The following FAM83G variants were observed in gnomAD, a reference collection of about 807,000 sequenced individuals.
FAM83G encodes the protein protein FAM83G.
A neutral mutation model predicts 61.5 loss-of-function variants in FAM83G; 38 were observed. The ratio of observed to expected loss-of-function variants is 0.62; its 90% CI spans 0.48 to 0.81. The LOEUF is 0.81. Ranked by LOEUF, FAM83G falls within the 30% of genes least tolerant of loss-of-function variation. The pLI is 0.00. For missense variants in FAM83G, 989 were observed against 1,133.6 expected (o/e 0.87, Z 1.83); for synonymous variants, 470 against 476.1 (o/e 0.99, Z 0.17).
upstream of FAM83G, among the ~76,000 whole-genome samples, chr17:19,005,027 G>A (rs1239365377): frequency 1.3e-5 from 2 of 152,210 alleles, no homozygotes; most frequent in Non-Finnish European, 2.9e-5. Context: ...AACAGCCTTG[G>A]CACCCCCCTG....
intron 2 of FAM83G, among the ~76,000 whole-genome samples, chr17:18,993,695 G>A (rs1251892471): frequency 2.0e-5 from 3 of 152,154 alleles, no homozygotes; most frequent in Non-Finnish European, 4.4e-5. Context: ...GAGAAGTGCC[G>A]GGGGTGGACA....
chr17:18,978,942 T>C (rs2043060854), intron 4 of FAM83G, 92 bp from the exon 5 acceptor site: 6 of 1,413,422 alleles, frequency 4.2e-6, no homozygotes, highest in Non-Finnish European at 5.8e-6. Flanking sequence ...CCTCAGACTG[T>C]GGCCACAGGG....
At position 18,997,433 on chromosome 17, in the gene FAM83G, C is replaced by T. The variant is rs12450425; in HGVS notation, c.522+6087G>A. The stretch of plus-strand genomic sequence containing the variant: ...TCCTCAGAGCTTCCAGGCTTGCAGG[C>T]GCAGGATCCAGCCAACCAGACCATC... On this transcript the variant is annotated intron_variant, in intron 2 of 5. Coordinates refer to ENST00000388995, the MANE Select transcript of FAM83G (RefSeq NM_001039999.3). Among the ~76,000 whole-genome samples the T allele has an allele frequency of 0.01, 1,580 of 152,350 alleles. 97 individuals carry two copies. The East Asian group carries it at 0.18, about 17-fold the overall frequency.
rs926557727 is a variant in FAM83G, at chr17:19,000,803, T to C, written c.522+2717A>G. 2.0e-5 allele frequency among the ~76,000 whole-genome samples: 3 copies of C among 151,932 alleles called. No individual in the cohort carries two copies. Among genetic ancestry groups the C allele is most frequent in the Admixed American group, 6.5e-5 (1 of 15,274 alleles). ...AAGCATGGGCACGAGAGGTGATTCA[T>C]GGGGAGAGATAAGGCAGGGAGCGCT... is the stretch of plus-strand genomic sequence containing the variant. On this transcript the variant is annotated intron_variant, in intron 2 of 5. Coordinates refer to ENST00000388995, the MANE Select transcript of FAM83G (RefSeq NM_001039999.3). This position sits in a 1 kb window ranked among gnomAD's most constrained non-coding sequence, Gnocchi z 5.2.
At position 19,003,902 on chromosome 17, in the gene FAM83G, T is replaced by C. The variant is rs767000883; in HGVS notation, c.140A>G (p.Tyr47Cys). ...ALVARGRDAF[Y>C]EVLKRENIRD... ...GATGTTCTCCCGCTTGAGCACCTCG[T>C]AGAAGGCGTCCCGGCCGCGGGCCAC... The change falls in exon 2 of 6, where the codon TAC becomes TGC. Residue 47 changes from tyrosine to cysteine, a missense_variant. By Grantham distance (194) the Tyr-to-Cys change is radical. Transcript: ENST00000388995. The surrounding 1 kb of genome is among the most constrained non-coding windows in gnomAD (Gnocchi z 4.5). The C allele has an allele frequency of 1.2e-6, 2 of 1,612,916 alleles. No homozygotes were observed. Among genetic ancestry groups the C allele is most frequent in the Non-Finnish European group, 8.5e-7 (1 of 1,179,922 alleles).
chr17:18,982,585 AGGGGAGGACGGCC>A (rs1310407689), intron 3 of FAM83G, among the ~76,000 whole-genome samples: 2 of 152,176 alleles, frequency 1.3e-5, no homozygotes, highest in African/African-American at 4.8e-5. Context: ...GAGTCAGGGC[AGGGGAGGACGGCC>A]GGGTGGTGCT....
intron 3 of FAM83G, among the ~76,000 whole-genome samples, chr17:18,982,472 G>A (rs2043163011): frequency 6.6e-6 from 1 of 152,248 alleles, no homozygotes; most frequent in Non-Finnish European, 1.5e-5. Flanking sequence ...GACAGCAGAT[G>A]GGTGGAGGGA....
At chr17:18,985,118 G>A (rs769055445) in intron 3 of FAM83G, among the ~76,000 whole-genome samples, 2 of 152,220 alleles carry the variant, frequency 1.3e-5, no homozygotes, top group Admixed American at 6.5e-5. Context: ...AAAGAAAGCC[G>A]CTCAGCACTC....
rs551360252 is a variant in FAM83G at position 18,981,189 on chromosome 17, G to C, written c.691-1516C>G. Among the ~76,000 whole-genome samples, 8 of 152,328 alleles carry C rather than the reference G, an allele frequency of 5.3e-5. No homozygotes were observed. The South Asian group carries it at 1.7e-3, about 32-fold the overall frequency. On this transcript the variant is annotated intron_variant, in intron 3 of 5. Coordinates refer to ENST00000388995, the MANE Select transcript of FAM83G (RefSeq NM_001039999.3). The stretch of plus-strand genomic sequence containing the variant: ...GCCCAGGATCGCAGAGGAGTAGCCT[G>C]AAGTGTGAAGGGCTGGCCGGGAGGC...
rs752034805 is a variant in FAM83G at position 18,977,805 on chromosome 17, C to T, written c.1861G>A (p.Glu621Lys). ...VASSVSEEYF[E>K]VREHSVPLRR... ...AGAGGGACTGAGTGCTCTCTCACCT[C>T]GAAGTACTCCTCTGACACAGAGGAA... is the stretch of plus-strand genomic sequence containing the variant. Residue 621 changes from glutamate (E) to lysine (K), a missense_variant, in exon 5 of 6, where the codon GAG becomes AAG. Physicochemically the swap from Glu to Lys is moderately conservative, Grantham distance 56. Around this residue, in one of 3 missense-constraint regions of FAM83G, gnomAD observed 574 missense variants for 645.1 expected, o/e 0.89. Transcript: ENST00000388995. 7.5e-6 allele frequency: 12 copies of T among 1,603,612 alleles called. No homozygotes were observed. Among genetic ancestry groups the T allele is most frequent in the East Asian group, 2.2e-5 (1 of 44,724 alleles).
At position 19,004,086 on chromosome 17, in the gene FAM83G, G is replaced by C; in HGVS notation, c.-45C>G. The C allele has an allele frequency of 6.5e-7, 1 of 1,535,044 alleles. No individual in the cohort carries two copies. Among genetic ancestry groups the C allele is most frequent in the Non-Finnish European group, 8.8e-7 (1 of 1,141,666 alleles). On this transcript the variant is annotated 5_prime_UTR_variant, in exon 2 of 6. Coordinates refer to ENST00000388995, the MANE Select transcript of FAM83G (RefSeq NM_001039999.3). This position sits in a 1 kb window ranked among gnomAD's most constrained non-coding sequence, Gnocchi z 5.4. ...CTGCTGCCGGGGGTGGGTGGGCAAG[G>C]TCCAGCTCCTAGCTCCGGCCCAGCT...
chr17:18,969,628 A>G lies in FAM83G; in HGVS notation c.*1731T>C. ...CTGCCCTGGCTGGTAGAGGCTACCC[A>G]CCCTGCTGCCCCGCTGTTACCAGCT... On this transcript the variant is annotated 3_prime_UTR_variant, in exon 6 of 6. Coordinates refer to ENST00000388995, the MANE Select transcript of FAM83G (RefSeq NM_001039999.3). 1.9e-6 allele frequency: 1 copy of G among 521,666 alleles called. No individual in the cohort carries two copies. The highest frequency in any genetic ancestry group is 3.4e-6 in the Non-Finnish European group (1 of 296,462). 32.3% of individuals were successfully genotyped at this position (521,666 alleles called of 1,614,324 possible). A position where few individuals can be genotyped will look rare whatever the true frequency, so the allele number is the denominator to read the frequency against.
At chr17:18,984,081 G>A (rs1031949820) in intron 3 of FAM83G, among the ~76,000 whole-genome samples, 4 of 152,060 alleles carry the variant, frequency 2.6e-5, no homozygotes, top group Middle Eastern at 3.2e-3. Flanking sequence ...GGTGGCTCAC[G>A]CCTGTAATCC....
At position 18,977,579 on chromosome 17, in the gene FAM83G, C is replaced by G; in HGVS notation, c.2082+5G>C. ...GACCCCTGGTGTGCAGGGACCCTGACCCACCTGTGCCTCCTTGTCTGTGGA... is the reference window on the plus strand; with the variant it reads ...GACCCCTGGTGTGCAGGGACCCTGAGCCACCTGTGCCTCCTTGTCTGTGGA... On this transcript the variant is annotated splice_donor_5th_base_variant and intron_variant, in intron 5 of 5. Coordinates refer to ENST00000388995, the MANE Select transcript of FAM83G (RefSeq NM_001039999.3). 2 of 1,606,124 alleles carry G rather than the reference C, an allele frequency of 1.2e-6. No homozygotes were observed. Among genetic ancestry groups the G allele is most frequent in the South Asian group, 2.2e-5 (2 of 90,712 alleles).
At position 18,988,215 on chromosome 17, in the gene FAM83G, C is replaced by T. The variant is rs775071874; in HGVS notation, c.690+32G>A. ...GACAGACTGAATGACCCCTGCCCTC[C>T]AGCCACCCAGGCAAGTGAGGAGCCT... On this transcript the variant is annotated intron_variant, in intron 3 of 5. Transcript: ENST00000388995. The T allele has an allele frequency of 2.1e-5, 33 of 1,598,910 alleles. No homozygotes were observed. In the Admixed American group the frequency reaches 3.0e-4, roughly 15 times the overall value.
chr17:18,971,086 C>T lies in FAM83G; in HGVS notation c.*273G>A. Reference sequence around the variant, plus strand: ...AGGCCATTCCCTCCAGGACCATTGCCAACACCACCTGCCACCTGCCACGTA... The same window carrying T: ...AGGCCATTCCCTCCAGGACCATTGCTAACACCACCTGCCACCTGCCACGTA... On this transcript the variant is annotated 3_prime_UTR_variant, in exon 6 of 6. Coordinates refer to ENST00000388995, the MANE Select transcript of FAM83G (RefSeq NM_001039999.3). The surrounding 1 kb of genome is among the most constrained non-coding windows in gnomAD (Gnocchi z 5.5). 6.2e-7 allele frequency: 1 copy of T among 1,614,118 alleles called. No individual in the cohort carries two copies.
At chr17:18,976,796 A>T (rs201925576) in intron 5 of FAM83G, 33 of 1,598,016 alleles carry the variant, frequency 2.1e-5, no homozygotes, top group Non-Finnish European at 3.4e-6. Flanking sequence ...CCAAGGACCA[A>T]TCCTGACACA....
Position 19,004,112 on chromosome 17 carries a change from G to A in FAM83G, c.-71C>T. On this transcript the variant is annotated 5_prime_UTR_variant, in exon 2 of 6. Coordinates refer to ENST00000388995, the MANE Select transcript of FAM83G (RefSeq NM_001039999.3). This position sits in a 1 kb window ranked among gnomAD's most constrained non-coding sequence, Gnocchi z 5.4. ...TCCAGCTCCTAGCTCCGGCCCAGCT[G>A]GGGCACCGCGCGCTCGGGGGCCTCT... 1.4e-6 allele frequency: 2 copies of A among 1,458,448 alleles called. No individual in the cohort carries two copies. Among genetic ancestry groups the A allele is most frequent in the South Asian group, 1.4e-5 (1 of 73,486 alleles). 90.3% of individuals were successfully genotyped at this position (1,458,448 alleles called of 1,614,324 possible).
chr17:18,983,073 G>T (rs2043178764), intron 3 of FAM83G, among the ~76,000 whole-genome samples: 1 of 152,236 alleles, frequency 6.6e-6, no homozygotes, highest in Non-Finnish European at 1.5e-5. Flanking sequence ...ATCCAGGAGG[G>T]ATGGACTGCC....
Sources: allele counts gnomAD v4.1 joint callset (sites outside exome capture counted in the v4.1 genomes callset), GRCh38; gene constraint gnomAD v4.1.1; regional missense constraint gnomAD v4.1.1; non-coding constraint Gnocchi (gnomAD v3.1); transcripts MANE v1.5; gene names NCBI Gene and HGNC (gene_info 2026-07-23, HGNC 2026-07-21).